Variants in CIRSR observed in about 807,000 individuals in gnomAD.
The protein encoded by CIRSR is corepressor of RBPJ and splicing regulator.
chr2:174,356,487 G>T, the CIRSR span, among the ~76,000 whole-genome samples: 1 of 148,090 alleles, frequency 6.8e-6, no homozygotes, highest in African/African-American at 2.5e-5. Flanking sequence ...CAGAAAAAAA[G>T]ACAGACGGGA....
chr2:174,353,743 G>C, the CIRSR span, among the ~76,000 whole-genome samples: 102 of 152,288 alleles, frequency 6.7e-4, no homozygotes, highest in African/African-American at 2.4e-3. Context: ...TGGGATTACA[G>C]CCGTGAGCCA....
the CIRSR span, among the ~76,000 whole-genome samples, chr2:174,377,209 G>A: frequency 2.0e-5 from 3 of 152,180 alleles, no homozygotes; most frequent in Non-Finnish European, 4.4e-5. Context: ...GGTTATACTT[G>A]CAGATATAAC....
chr2:174,353,470 T>TTG, the CIRSR span, among the ~76,000 whole-genome samples: 68 of 151,584 alleles, frequency 4.5e-4, no homozygotes, highest in South Asian at 8.3e-4. Flanking sequence ...TAAGAGCTTT[T>TTG]TGTGTGTGTG....
the CIRSR span, among the ~76,000 whole-genome samples, chr2:174,368,036 T>C: frequency 3.3e-4 from 50 of 152,260 alleles, no homozygotes; most frequent in Non-Finnish European, 5.6e-4. Flanking sequence ...AACAATCCCA[T>C]GTGTACATGC....
the CIRSR span, among the ~76,000 whole-genome samples, chr2:174,370,177 C>A: frequency 1.3e-5 from 2 of 152,174 alleles, no homozygotes; most frequent in African/African-American, 4.8e-5. Flanking sequence ...CTCCCAGCAA[C>A]CCCAGCTCTA....
the CIRSR span, among the ~76,000 whole-genome samples, chr2:174,375,014 G>C: frequency 2.0e-5 from 3 of 152,138 alleles, no homozygotes; most frequent in Non-Finnish European, 4.4e-5. Context: ...CCAATATAAT[G>C]AAAGGTTTTG....
chr2:174,376,712 G>C, the CIRSR span, among the ~76,000 whole-genome samples: 10 of 150,936 alleles, frequency 6.6e-5, no homozygotes, highest in Non-Finnish European at 1.2e-4. Context: ...GCAGGAGAAC[G>C]GCATGAACCT....
chr2:174,359,881 TA>T, the CIRSR span, among the ~76,000 whole-genome samples: 1 of 152,108 alleles, frequency 6.6e-6, no homozygotes, highest in Non-Finnish European at 1.5e-5. Flanking sequence ...TATGCAGCCA[TA>T]AAAAAGGATG....
At chr2:174,367,830 A>G in the CIRSR span, among the ~76,000 whole-genome samples, 1 of 151,670 alleles carries the variant, frequency 6.6e-6, no homozygotes, top group East Asian at 1.9e-4. Flanking sequence ...ATTGCTGTCC[A>G]CAAGAAACCT....
the CIRSR span, chr2:174,350,727 C>T: frequency 1.9e-6 from 3 of 1,608,144 alleles, no homozygotes; most frequent in South Asian, 2.2e-5. Context: ...TCTTCTTCAC[C>T]CTCACTTGCA....
At chr2:174,395,207 G>A in the CIRSR span, among the ~76,000 whole-genome samples, 1 of 152,178 alleles carries the variant, frequency 6.6e-6, no homozygotes, top group South Asian at 2.1e-4. Context: ...CAGAAAAGTA[G>A]AGTTCAGAAG....
the CIRSR span, among the ~76,000 whole-genome samples, chr2:174,356,399 T>C: frequency 7.9e-5 from 12 of 151,626 alleles, no homozygotes; most frequent in Admixed American, 3.3e-4. Flanking sequence ...ACACAGGAGG[T>C]TGAGGGTGCA....
chr2:174,393,791 A>T, the CIRSR span, among the ~76,000 whole-genome samples: 1 of 152,162 alleles, frequency 6.6e-6, no homozygotes, highest in Non-Finnish European at 1.5e-5. Context: ...CTGTGAAACC[A>T]TCATCACAAT....
the CIRSR span, chr2:174,369,872 T>C: frequency 4.2e-6 from 5 of 1,180,090 alleles, no homozygotes; most frequent in Non-Finnish European, 5.6e-6. Flanking sequence ...ACCATAATGA[T>C]ATAATAATAC....
the CIRSR span, chr2:174,380,269 G>A: frequency 7.7e-6 from 12 of 1,548,536 alleles, no homozygotes; most frequent in African/African-American, 1.4e-5. Context: ...TAGAGGAAAT[G>A]TACAAACACA....
At chr2:174,353,065 T>C in the CIRSR span, among the ~76,000 whole-genome samples, 1 of 152,208 alleles carries the variant, frequency 6.6e-6, no homozygotes, top group East Asian at 1.9e-4. Flanking sequence ...AGTTATAAGA[T>C]AATATATTTT....
the CIRSR span, among the ~76,000 whole-genome samples, chr2:174,363,042 T>C: frequency 4.7e-4 from 72 of 152,288 alleles, no homozygotes; most frequent in African/African-American, 1.5e-3. Flanking sequence ...AAAGTAACCA[T>C]TTCCAAATAT....
chr2:174,367,520 C>T, the CIRSR span, among the ~76,000 whole-genome samples: 1 of 152,028 alleles, frequency 6.6e-6, no homozygotes, highest in Non-Finnish European at 1.5e-5. Context: ...GCGGAGGTTG[C>T]AGTAAGCCGA....
chr2:174,382,563 T>C, the CIRSR span, among the ~76,000 whole-genome samples: 5 of 151,954 alleles, frequency 3.3e-5, no homozygotes, highest in Non-Finnish European at 7.4e-5. Context: ...CACTTGAATG[T>C]GGGAGGCGGA....
Sources: allele counts gnomAD v4.1 joint callset (sites outside exome capture counted in the v4.1 genomes callset), GRCh38; gene constraint gnomAD v4.1.1; transcripts MANE v1.5; gene names NCBI Gene and HGNC (gene_info 2026-07-23, HGNC 2026-07-21).